The following RORA variants were observed in gnomAD, a reference collection of about 807,000 sequenced individuals.
RORA encodes the protein RAR related orphan receptor A, also known as nuclear receptor ROR-alpha.
In RORA, 7 loss-of-function variants were observed where a neutral mutation model predicts 69.5. The ratio of observed to expected loss-of-function variants is 0.10; its 90% CI spans 0.06 to 0.19. RORA has a LOEUF of 0.19. Ranked by LOEUF, RORA falls within the 10% of genes least tolerant of loss-of-function variation. RORA has a pLI of 1.00. For synonymous variants in RORA, 261 were observed against 240.8 expected (o/e 1.08, Z -0.78); for missense variants, 457 against 663.0 (o/e 0.69, Z 3.41).
chr15:61,148,476 C>G (rs1459413822), intron 1 of RORA, among the ~76,000 whole-genome samples: 1 of 152,158 alleles, frequency 6.6e-6, no homozygotes, highest in African/African-American at 2.4e-5. Flanking sequence ...TCACCCCGCT[C>G]ACCATCAGAA....
intron 1 of RORA, among the ~76,000 whole-genome samples, chr15:61,109,394 A>G (rs960867382): frequency 6.6e-6 from 1 of 152,166 alleles, no homozygotes; most frequent in African/African-American, 2.4e-5. Context: ...AAGTTCTCCC[A>G]TAAAGGCCAC....
chr15:61,143,065 G>A (rs1012233000), intron 1 of RORA, among the ~76,000 whole-genome samples: 1 of 152,118 alleles, frequency 6.6e-6, no homozygotes, highest in African/African-American at 2.4e-5. Context: ...TATTTTTGCA[G>A]ATTATACATA....
Position 60,497,365 on chromosome 15 carries a change from G to T in RORA, c.*90C>A, listed in dbSNP as rs2065193599. The T allele has an allele frequency of 8.8e-7, 1 of 1,136,576 alleles. No homozygotes were observed. The highest frequency in any genetic ancestry group is 1.3e-6 in the Non-Finnish European group (1 of 771,794). The allele number at this position is 1,136,576 out of a possible 1,614,324, so 70.4% of individuals were successfully genotyped here. A position where few individuals can be genotyped will look rare whatever the true frequency, so the allele number is the denominator to read the frequency against. ...GCAGTGTGTGGCGCTCCAGGTCTGT[G>T]CAGGGCCATATAAAGTGTCTCGGTT... On this transcript the variant is annotated 3_prime_UTR_variant, in exon 11 of 11. Coordinates refer to ENST00000335670, the MANE Select transcript of RORA (RefSeq NM_134261.3).
chr15:60,793,338 T>C (rs2072444411), intron 1 of RORA, among the ~76,000 whole-genome samples: 1 of 152,172 alleles, frequency 6.6e-6, no homozygotes, highest in Non-Finnish European at 1.5e-5. Flanking sequence ...TAGAAGTGTC[T>C]TACACACCAA....
At chr15:60,505,848 C>T (rs57235653) in intron 5 of RORA, among the ~76,000 whole-genome samples, 1 of 152,066 alleles carries the variant, frequency 6.6e-6, no homozygotes. Flanking sequence ...ATAAGACCTG[C>T]TGACTTCAAA....
chr15:60,540,434 C>T (rs2066826202), intron 2 of RORA, among the ~76,000 whole-genome samples: 1 of 152,096 alleles, frequency 6.6e-6, no homozygotes. Context: ...TTACCCCCAA[C>T]ATTCTCACAC....
chr15:60,535,266 G>A (rs2066640885), intron 2 of RORA, among the ~76,000 whole-genome samples: 2 of 152,206 alleles, frequency 1.3e-5, no homozygotes, highest in African/African-American at 4.8e-5. Flanking sequence ...TTATTGTGTA[G>A]TGGAATATCT....
chr15:60,635,030 GAAGT>G (rs754107091), intron 2 of RORA, among the ~76,000 whole-genome samples: 9 of 152,198 alleles, frequency 5.9e-5, no homozygotes, highest in Non-Finnish European at 1.0e-4. Flanking sequence ...TCCTACACAA[GAAGT>G]AAGCTAATGA....
chr15:61,085,655 C>T (rs2078614423), intron 1 of RORA, among the ~76,000 whole-genome samples: 1 of 152,216 alleles, frequency 6.6e-6, no homozygotes, highest in Non-Finnish European at 1.5e-5. Flanking sequence ...CATCCCACTG[C>T]TCTATTCCCA....
At chr15:61,107,725 C>A (rs755674923) in intron 1 of RORA, among the ~76,000 whole-genome samples, 40 of 151,880 alleles carry the variant, frequency 2.6e-4, no homozygotes, top group South Asian at 1.2e-3. Context: ...AATAAAATTT[C>A]ATTTCTTGAA....
intron 1 of RORA, among the ~76,000 whole-genome samples, chr15:60,887,336 G>A (rs370219441): frequency 6.6e-6 from 1 of 152,170 alleles, no homozygotes; most frequent in Non-Finnish European, 1.5e-5. Context: ...GCACTGTCAT[G>A]CTGTCATGGG....
intron 1 of RORA, among the ~76,000 whole-genome samples, chr15:61,167,923 T>C (rs4775364): frequency 0.46 from 69,501 of 151,788 alleles, 16,852 homozygotes; most frequent in Non-Finnish European, 0.55. Flanking sequence ...GGTTCTAACA[T>C]TTCTTGCTTC....
At chr15:61,024,008 C>T (rs1023947149) in intron 1 of RORA, among the ~76,000 whole-genome samples, 1 of 151,948 alleles carries the variant, frequency 6.6e-6, no homozygotes, top group Non-Finnish European at 1.5e-5. Context: ...TCTATGGAAA[C>T]AAAAAATGCA....
chr15:61,095,502 C>G (rs1368845673), intron 1 of RORA, among the ~76,000 whole-genome samples: 1 of 152,204 alleles, frequency 6.6e-6, no homozygotes, highest in Non-Finnish European at 1.5e-5. Context: ...GCCTACCCAT[C>G]TGAGGAATCT....
chr15:60,529,252 T>G (rs1024420250), intron 3 of RORA: 3 of 152,222 alleles, frequency 2.0e-5, no homozygotes, highest in African/African-American at 7.2e-5. Flanking sequence ...TATGTTTAAT[T>G]ACACTATCTC....
chr15:61,132,261 T>G (rs2079196435), intron 1 of RORA, among the ~76,000 whole-genome samples: 1 of 152,108 alleles, frequency 6.6e-6, no homozygotes. Flanking sequence ...TATATACATG[T>G]CAACAGGAAA....
rs894217579 is a variant in RORA at position 60,951,048 on chromosome 15, T to G, written c.167-272362A>C. On this transcript the variant is annotated intron_variant, in intron 1 of 10. Coordinates refer to ENST00000335670, the MANE Select transcript of RORA (RefSeq NM_134261.3). The stretch of plus-strand genomic sequence containing the variant: ...GACCACACACTTGGAAGTAAAGCTC[T>G]CCTCAGCAAATGTAAAAGAACAGAG... Among the ~76,000 whole-genome samples the G allele has an allele frequency of 3.6e-4, 55 of 150,904 alleles. 1 individual carries two copies. The highest frequency in any genetic ancestry group is 1.3e-3 in the African/African-American group (54 of 41,202).
intron 1 of RORA, among the ~76,000 whole-genome samples, chr15:60,968,977 G>A (rs769838778): frequency 6.6e-6 from 1 of 152,140 alleles, no homozygotes; most frequent in Non-Finnish European, 1.5e-5. Flanking sequence ...TAACACTTTT[G>A]AAGATTACAA....
chr15:60,754,395 C>T (rs956228214), intron 1 of RORA, among the ~76,000 whole-genome samples: 2 of 152,122 alleles, frequency 1.3e-5, no homozygotes, highest in Non-Finnish European at 2.9e-5. Context: ...TGAATTTGAC[C>T]CTTTGTTCCA....
Sources: gnomAD v4.1 joint callset for allele counts (sites outside exome capture counted in the v4.1 genomes callset) on GRCh38, gnomAD v4.1.1 for gene constraint, MANE v1.5 for transcripts, NCBI Gene and HGNC (gene_info 2026-07-23, HGNC 2026-07-21) for gene names.